RYR3: variants seen among roughly 807,000 people sequenced by gnomAD.
RYR3 encodes ryanodine receptor 3.
Under a neutral mutation model 584.3 loss-of-function variants are expected in RYR3, and 207 were observed. That is an observed-to-expected ratio of 0.35 (90% CI 0.32 to 0.40). RYR3 has a LOEUF of 0.40. RYR3 is among the 10% of genes least tolerant of loss of function. RYR3 has a pLI of 1.00. For synonymous variants in RYR3, 2,416 were observed against 2,248.5 expected (o/e 1.07, Z -2.11); for missense variants, 5,616 against 6,089.2 (o/e 0.92, Z 2.59).
At chr15:33,430,121 G>A (rs927432586) in intron 1 of RYR3, among the ~76,000 whole-genome samples, 3 of 152,252 alleles carry the variant, frequency 2.0e-5, no homozygotes, top group Admixed American at 2.0e-4. Flanking sequence ...ATAGATGACT[G>A]TTAGTGTTAT....
chr15:33,713,113 C>A (rs190133438), intron 43 of RYR3, among the ~76,000 whole-genome samples: 1 of 152,240 alleles, frequency 6.6e-6, no homozygotes, highest in African/African-American at 2.4e-5. Flanking sequence ...TTTCTGAATA[C>A]CTTTGTGAAC....
At chr15:33,437,855 C>A (rs564536472) in intron 1 of RYR3, among the ~76,000 whole-genome samples, 1 of 152,286 alleles carries the variant, frequency 6.6e-6, no homozygotes, top group South Asian at 2.1e-4. Flanking sequence ...ACCTCAGCTT[C>A]CCAAGTAGCT....
chr15:33,620,656 C>G (rs2060681147), intron 19 of RYR3, among the ~76,000 whole-genome samples: 1 of 152,168 alleles, frequency 6.6e-6, no homozygotes, highest in African/African-American at 2.4e-5. Flanking sequence ...TTTTATCTCC[C>G]TAGTTATTAC....
chr15:33,504,448 C>G (rs1192179289), intron 3 of RYR3, among the ~76,000 whole-genome samples: 1 of 152,162 alleles, frequency 6.6e-6, no homozygotes, highest in Non-Finnish European at 1.5e-5. Context: ...TCAACCATTT[C>G]TCTCCACCAT....
chr15:33,748,078 G>A (rs1232377455), intron 53 of RYR3, 36 bp from the exon 54 acceptor site: 2 of 1,609,708 alleles, frequency 1.2e-6, no homozygotes, highest in Non-Finnish European at 1.7e-6. Flanking sequence ...GCTGGGGTGT[G>A]TTCTGCAAAG....
chr15:33,711,691 C>T (rs1017794080), intron 43 of RYR3, among the ~76,000 whole-genome samples: 1 of 152,198 alleles, frequency 6.6e-6, no homozygotes, highest in African/African-American at 2.4e-5. Flanking sequence ...TATGCATGAC[C>T]TTTGCTCCAA....
intron 93 of RYR3, 25 bp downstream of exon 93, chr15:33,845,087 TA>T: frequency 6.2e-7 from 1 of 1,609,396 alleles, no homozygotes; most frequent in Non-Finnish European, 8.5e-7. Context: ...ACTCTGGATC[TA>T]ATCTCACTCC....
intron 1 of RYR3, among the ~76,000 whole-genome samples, chr15:33,335,900 C>G (rs2140737629): frequency 6.6e-6 from 1 of 151,862 alleles, no homozygotes; most frequent in Middle Eastern, 3.4e-3. Flanking sequence ...AATTAACCAT[C>G]TAACATAAGA....
chr15:33,644,251 C>T, intron 27 of RYR3, 60 bp from the exon 28 acceptor site: 2 of 1,381,302 alleles, frequency 1.4e-6, no homozygotes, highest in South Asian at 1.2e-5. Context: ...ATTCAGCTGC[C>T]TCGGAGTTTC....
intron 1 of RYR3, among the ~76,000 whole-genome samples, chr15:33,335,037 A>AT (rs1169689564): frequency 6.6e-6 from 1 of 152,142 alleles, no homozygotes; most frequent in Non-Finnish European, 1.5e-5. Flanking sequence ...AACACACGTC[A>AT]GTGAGGTTGT....
intron 1 of RYR3, among the ~76,000 whole-genome samples, chr15:33,324,557 G>A (rs1969432848): frequency 6.6e-6 from 1 of 152,164 alleles, no homozygotes. Context: ...TCAACATCTA[G>A]CAAGCTGTGT....
intron 2 of RYR3, among the ~76,000 whole-genome samples, chr15:33,483,792 G>A (rs2142377843): frequency 6.6e-6 from 1 of 152,222 alleles, no homozygotes; most frequent in East Asian, 1.9e-4. Context: ...AATCTATGGT[G>A]GTTTCCTTGT....
At chr15:33,545,572 G>A (rs2056175784) in intron 8 of RYR3, among the ~76,000 whole-genome samples, 1 of 152,152 alleles carries the variant, frequency 6.6e-6, no homozygotes, top group African/African-American at 2.4e-5. Flanking sequence ...GGGTAAGTGA[G>A]CAGCTATTCA....
At position 33,328,630 on chromosome 15, in the gene RYR3, C is replaced by A. The variant is rs143307683; in HGVS notation, c.51+17534C>A. Among the ~76,000 whole-genome samples, 412 of 152,272 alleles carry A rather than the reference C, an allele frequency of 2.7e-3. 2 individuals carry two copies. The highest frequency in any genetic ancestry group is 9.5e-3 in the African/African-American group (396 of 41,554). ...TATATTTCCTATGCTTTAGTTAAGA[C>A]TGATTTGTAACCTTCCTTTTCAGAT... On this transcript the variant is annotated intron_variant, in intron 1 of 103. Transcript: ENST00000634891.
chr15:33,861,340 G>A (rs935291178), intron 102 of RYR3, among the ~76,000 whole-genome samples, 162 bp downstream of exon 102: 1 of 152,162 alleles, frequency 6.6e-6, no homozygotes, highest in Non-Finnish European at 1.5e-5. Flanking sequence ...TCTCCCATGT[G>A]TGATAGACGT....
At chr15:33,377,504 C>A (rs1384344396) in intron 1 of RYR3, among the ~76,000 whole-genome samples, 1 of 152,182 alleles carries the variant, frequency 6.6e-6, no homozygotes, top group Non-Finnish European at 1.5e-5. Context: ...GAAATGTAGT[C>A]TTTGATAAGC....
intron 57 of RYR3, 126 bp from the exon 58 acceptor site, chr15:33,754,939 C>T (rs2071670115): frequency 1.6e-6 from 1 of 631,930 alleles, no homozygotes; most frequent in African/African-American, 1.8e-5. Context: ...AATGATGAGT[C>T]ATGTCACTAC....
chr15:33,835,753 A>G (rs938759619), intron 87 of RYR3, among the ~76,000 whole-genome samples: 11 of 152,066 alleles, frequency 7.2e-5, no homozygotes, highest in Admixed American at 7.2e-4. Flanking sequence ...TTAACCTTTC[A>G]TTTTTCCCCT....
At chr15:33,732,065 A>G (rs1038870647) in intron 48 of RYR3, among the ~76,000 whole-genome samples, 6 of 152,146 alleles carry the variant, frequency 3.9e-5, no homozygotes, top group African/African-American at 1.4e-4. Context: ...CTTACATAGA[A>G]GCCAGACTCT....
Sources: gnomAD v4.1 joint callset for allele counts (sites outside exome capture counted in the v4.1 genomes callset) on GRCh38, gnomAD v4.1.1 for gene constraint, MANE v1.5 for transcripts, NCBI Gene and HGNC (gene_info 2026-07-23, HGNC 2026-07-21) for gene names.